The following MDH1B variants were observed in gnomAD, a reference collection of about 807,000 sequenced individuals.
MDH1B encodes malate dehydrogenase 1B.
In MDH1B, 60 loss-of-function variants were observed where a neutral mutation model predicts 61.4. The ratio of observed to expected loss-of-function variants is 0.98; its 90% CI spans 0.79 to 1.21. The LOEUF (loss-of-function observed/expected upper bound fraction) is 1.21. MDH1B is among the 50% of genes most tolerant of loss of function. The pLI, the probability that MDH1B is intolerant of heterozygous loss-of-function variation, is 0.00. For synonymous variants in MDH1B, 236 were observed against 218.7 expected (o/e 1.08, Z -0.70); for missense variants, 587 against 632.1 (o/e 0.93, Z 0.76).
At position 206,755,491 on chromosome 2, in the gene MDH1B, G is replaced by A. The variant is rs933973150; in HGVS notation, c.428C>T (p.Ala143Val). Residue 143 changes from alanine to valine, a missense_variant, in exon 5 of 12, where the codon GCC becomes GTC. Physicochemically the swap from Ala to Val is moderately conservative, Grantham distance 64. Transcript: ENST00000374412. ...QVWITSASAP[A>V]CYNLIPILTS... is the part of the protein sequence containing the mutation. ...CAATATGGGAATTAGGTTGTAGCAG[G>A]CAGGAGCAGAGGCACTGATAAAAAT... is the stretch of plus-strand genomic sequence containing the variant. 29 of 1,612,552 alleles carry A rather than the reference G, an allele frequency of 1.8e-5. No individual in the cohort carries two copies. In the East Asian group the frequency reaches 4.2e-4, roughly 24 times the overall value.
At chr2:206,754,806 T>C (rs1183740509) in intron 5 of MDH1B, among the ~76,000 whole-genome samples, 1 of 152,140 alleles carries the variant, frequency 6.6e-6, no homozygotes, top group African/African-American at 2.4e-5. Flanking sequence ...ATTTTTATAA[T>C]GATGGAAAAA....
Position 206,739,669 on chromosome 2 carries a change from T to C in MDH1B, c.1460-8A>G, listed in dbSNP as rs1177264961. The C allele has an allele frequency of 9.3e-6, 15 of 1,613,302 alleles. No individual in the cohort carries two copies. Among genetic ancestry groups the C allele is most frequent in the African/African-American group, 4.0e-5 (3 of 74,922 alleles). On this transcript the variant is annotated splice_polypyrimidine_tract_variant and splice_region_variant and intron_variant, in intron 10 of 11. Coordinates refer to ENST00000374412, the MANE Select transcript of MDH1B (RefSeq NM_001039845.3). ...GATTTGGAAACTCTGCTGCTGCAAA[T>C]AGAGTTAAAAGAATAGTTTTTAGTA...
At chr2:206,755,801 C>A (rs985854465) in intron 4 of MDH1B, among the ~76,000 whole-genome samples, 1 of 151,944 alleles carries the variant, frequency 6.6e-6, no homozygotes, top group Non-Finnish European at 1.5e-5. Context: ...AATAAAAAAA[C>A]TATTATATTA....
intron 10 of MDH1B, 24 bp from the exon 11 acceptor site, chr2:206,739,685 GT>G (rs763364405): frequency 2.5e-6 from 4 of 1,608,164 alleles, no homozygotes; most frequent in Non-Finnish European, 3.4e-6. Context: ...TAAAAGAATA[GT>G]TTTTAGTATG....
At chr2:206,757,399 A>G (rs1688828017) in intron 2 of MDH1B, 28 bp from the exon 3 acceptor site, 1 of 1,601,712 alleles carries the variant, frequency 6.2e-7, no homozygotes, top group Non-Finnish European at 8.5e-7. Context: ...AAGTGAAGTC[A>G]TATATTAAAT....
Position 206,761,120 on chromosome 2 carries a change from T to C in MDH1B, c.23-107A>G, listed in dbSNP as rs1689068591. The C allele has an allele frequency of 1.4e-5, 8 of 590,032 alleles. No homozygotes were observed. In the South Asian group the frequency reaches 2.3e-4, roughly 17 times the overall value. 36.5% of individuals were successfully genotyped at this position (590,032 alleles called of 1,614,324 possible). On this transcript the variant is annotated intron_variant, in intron 1 of 11. Transcript: ENST00000374412. The stretch of plus-strand genomic sequence containing the variant: ...AGAATTAGTCATAGTTATGATATAA[T>C]TTGATAACATAAAGTTGCAGTATAA...
intron 5 of MDH1B, 43 bp from the exon 6 acceptor site, chr2:206,751,118 T>C: frequency 7.2e-7 from 1 of 1,392,994 alleles, no homozygotes; most frequent in Non-Finnish European, 9.6e-7. Flanking sequence ...ATAATGTATG[T>C]TAATATAAAA....
rs769415288 is a variant in MDH1B at position 206,739,608 on chromosome 2, G to C, written c.1513C>G (p.Leu505Val). The change falls in exon 11 of 12, where the codon CTT becomes GTT. Residue 505 changes from leucine (L) to valine (V), a missense_variant. By Grantham distance (32) the Leu-to-Val change is conservative. Transcript: ENST00000374412. Reference sequence around the variant, plus strand: ...TACCACCTACCATTTAGGAACTCAAGACTCTGTGGCTTTTCAAAGGTGGTT... The same window carrying C: ...TACCACCTACCATTTAGGAACTCAACACTCTGTGGCTTTTCAAAGGTGGTT... ...PQTTFEKPQSLEFLNEFEGKT... is the reference protein window; with the variant it reads ...PQTTFEKPQSVEFLNEFEGKT... The C allele has an allele frequency of 6.2e-7, 1 of 1,613,950 alleles. No homozygotes were observed. The highest frequency in any genetic ancestry group is 8.5e-7 in the Non-Finnish European group (1 of 1,179,866).
chr2:206,750,491 G>A (rs538235477), intron 6 of MDH1B, among the ~76,000 whole-genome samples: 2 of 151,700 alleles, frequency 1.3e-5, no homozygotes, highest in South Asian at 4.2e-4. Flanking sequence ...ATCCCAGCCT[G>A]GGTGGCTTGG....
chr2:206,760,781 A>G (rs377108454), intron 2 of MDH1B, 120 bp downstream of exon 2: 1 of 587,894 alleles, frequency 1.7e-6, no homozygotes, highest in Non-Finnish European at 3.1e-6. Flanking sequence ...TAGTATTCAA[A>G]TATCACTAGC....
chr2:206,755,035 G>A lies in MDH1B; in HGVS notation c.884C>T (p.Ala295Val). ...TGAAGGAGCTGTCTTCAGTTTTCTG[G>A]CCAGTATGGCTTTCGCTTCACCTTC... is the stretch of plus-strand genomic sequence containing the variant. ...GVEGEAKAILARKLKTAPSYI... is the reference protein window; with the variant it reads ...GVEGEAKAILVRKLKTAPSYI... The change falls in exon 5 of 12, where the codon GCC (alanine) becomes GTC (valine). Residue 295 changes from alanine (A) to valine (V), a missense_variant. Coordinates refer to ENST00000374412, the MANE Select transcript of MDH1B (RefSeq NM_001039845.3). 6.2e-7 allele frequency: 1 copy of A among 1,613,724 alleles called. No homozygotes were observed. The highest frequency in any genetic ancestry group is 8.5e-7 in the Non-Finnish European group (1 of 1,179,680).
intron 10 of MDH1B, 48 bp from the exon 11 acceptor site, chr2:206,739,709 A>C: frequency 6.4e-7 from 1 of 1,557,130 alleles, no homozygotes; most frequent in Non-Finnish European, 8.8e-7. Flanking sequence ...AAGCGCAATA[A>C]TTTTTGCAGT....
chr2:206,752,653 G>T (rs1297746744), intron 5 of MDH1B, among the ~76,000 whole-genome samples: 1 of 152,146 alleles, frequency 6.6e-6, no homozygotes, highest in Non-Finnish European at 1.5e-5. Context: ...ACAGCCTAAA[G>T]AACCCTTTTA....
At chr2:206,750,155 A>G (rs1424793802) in intron 6 of MDH1B, among the ~76,000 whole-genome samples, 2 of 151,980 alleles carry the variant, frequency 1.3e-5, no homozygotes, top group African/African-American at 4.8e-5. Context: ...AGAAAATCCT[A>G]CAACTGGGAA....
intron 4 of MDH1B, 83 bp from the exon 5 acceptor site, chr2:206,755,588 TGTGCATCAATAGG>T: frequency 6.8e-7 from 1 of 1,478,072 alleles, no homozygotes; most frequent in Non-Finnish European, 9.1e-7. Context: ...TATTTCTGCA[TGTGCATCAATAGG>T]GTGGTTTAAT....
Position 206,757,297 on chromosome 2 carries a change from C to T in MDH1B, c.210G>A (p.Leu70=). ...AAAGCAAACCCTTTCCTCCACGATC[C>T]AACAGCTCTCTCCAGATGATAGGGG... The part of the protein sequence containing the change: ...KNSPIIWREL[L]DRGGKGLLLG... Residue 70 remains leucine (L), a synonymous_variant, in exon 3 of 12, where the codon TTG becomes TTA. Coordinates refer to ENST00000374412, the MANE Select transcript of MDH1B (RefSeq NM_001039845.3). 2 of 1,613,986 alleles carry T rather than the reference C, an allele frequency of 1.2e-6. No individual in the cohort carries two copies. The highest frequency in any genetic ancestry group is 1.7e-6 in the Non-Finnish European group (2 of 1,179,896).
chr2:206,762,238 G>T (rs974608698), intron 1 of MDH1B, among the ~76,000 whole-genome samples: 2 of 151,974 alleles, frequency 1.3e-5, no homozygotes, highest in African/African-American at 4.8e-5. Flanking sequence ...TGCATTATCA[G>T]AACACAACAG....
chr2:206,755,367 G>C lies in MDH1B; in HGVS notation c.552C>G (p.Thr184=). The C allele has an allele frequency of 1.2e-6, 2 of 1,614,160 alleles. No individual in the cohort carries two copies. Among genetic ancestry groups the C allele is most frequent in the South Asian group, 2.2e-5 (2 of 91,084 alleles). Residue 184 remains threonine, a synonymous_variant, in exon 5 of 12, where the codon ACC becomes ACG. Coordinates refer to ENST00000374412, the MANE Select transcript of MDH1B (RefSeq NM_001039845.3). ...EEHLKSLVVE[T]QDLASPVLRS... is the part of the protein sequence containing the mutation. ...GCAGGACGGGAGATGCCAGGTCTTG[G>C]GTCTCCACCACAAGGCTTTTGAGAT... is the stretch of plus-strand genomic sequence containing the variant.
At chr2:206,745,222 A>G in intron 9 of MDH1B, 1 of 326,446 alleles carries the variant, frequency 3.1e-6, no homozygotes, top group Non-Finnish European at 6.1e-6. Context: ...AAGCTAGAAA[A>G]AGCAAGAAGG....
Sources: gnomAD v4.1 joint callset for allele counts (sites outside exome capture counted in the v4.1 genomes callset) on GRCh38, gnomAD v4.1.1 for gene constraint, MANE v1.5 for transcripts, NCBI Gene and HGNC (gene_info 2026-07-23, HGNC 2026-07-21) for gene names.